Variants in GRIK4 observed in about 807,000 individuals in gnomAD.
GRIK4 encodes glutamate ionotropic receptor kainate type subunit 4.
GRIK4 carries 40 observed loss-of-function variants against 104.9 expected under a neutral mutation model. That is an observed-to-expected ratio of 0.38 (90% CI 0.30 to 0.50). GRIK4 has a LOEUF of 0.50. Among genes scored for constraint, GRIK4 ranks in the 20% least tolerant of loss-of-function variants. The probability of loss-of-function intolerance (pLI) is 0.93; values close to 1 mark genes in which losing one functional copy is unlikely to be tolerated. For synonymous variants in GRIK4, 485 were observed against 524.9 expected, an observed-to-expected ratio of 0.92 and a Z score of 1.04; for missense variants, 1,047 against 1,308.1, an observed-to-expected ratio of 0.80 and a Z score of 3.08.
Position 120,951,007 on chromosome 11 carries a change from G to T in GRIK4, c.1591-1848G>T, listed in dbSNP as rs190241602. Among the ~76,000 whole-genome samples the T allele has an allele frequency of 1.5e-3, 226 of 152,298 alleles. 1 individual carries two copies. The highest frequency in any genetic ancestry group is 2.5e-3 in the Non-Finnish European group (169 of 68,024). ...CAGTGGGTCAGAGAACTTGCAATTG[G>T]TATCAAAGGGCAGTTCCGTGGTCTG... is the stretch of plus-strand genomic sequence containing the variant. On this transcript the variant is annotated intron_variant, in intron 14 of 20. Transcript: ENST00000527524.
intron 12 of GRIK4, among the ~76,000 whole-genome samples, chr11:120,900,900 G>C (rs914559844): frequency 6.6e-6 from 1 of 152,182 alleles, no homozygotes; most frequent in Non-Finnish European, 1.5e-5. Context: ...GCTGGGAACA[G>C]CCTGGCTGAG....
At chr11:120,717,262 C>T (rs1950851270) in intron 3 of GRIK4, among the ~76,000 whole-genome samples, 1 of 152,220 alleles carries the variant, frequency 6.6e-6, no homozygotes, top group Admixed American at 6.5e-5. Context: ...CTGCACACAC[C>T]TGGGTGGTGG....
chr11:120,790,774 G>A (rs1187967633), intron 3 of GRIK4, among the ~76,000 whole-genome samples: 3 of 152,134 alleles, frequency 2.0e-5, no homozygotes, highest in African/African-American at 7.2e-5. Context: ...GGGAACAGAA[G>A]GGGGGCAGTG....
chr11:120,863,853 C>T (rs1954324225), intron 9 of GRIK4, among the ~76,000 whole-genome samples: 1 of 152,180 alleles, frequency 6.6e-6, no homozygotes, highest in Non-Finnish European at 1.5e-5. Context: ...GCCTCGTGGA[C>T]ATCTCAGGAA....
chr11:120,572,754 C>T (rs1016540884), intron 1 of GRIK4, among the ~76,000 whole-genome samples: 9 of 152,216 alleles, frequency 5.9e-5, no homozygotes, highest in African/African-American at 2.2e-4. Context: ...ACCCACTAAA[C>T]CCTCTCCCAG....
chr11:120,789,075 G>A (rs192487918), intron 3 of GRIK4, among the ~76,000 whole-genome samples: 1 of 152,084 alleles, frequency 6.6e-6, no homozygotes, highest in East Asian at 1.9e-4. Context: ...CAGAGTTTTA[G>A]CCTGGTTCTT....
At position 120,527,096 on chromosome 11, in the gene GRIK4, G is replaced by C. The variant is rs865849027; in HGVS notation, c.-159+15209G>C. ...AGTCACACAGCCAGCCCGTGGCAGA[G>C]GGTCTGACCAGAGCCAGCACCCAGT... is the stretch of plus-strand genomic sequence containing the variant. On this transcript the variant is annotated intron_variant, in intron 1 of 20. Transcript: ENST00000527524. Among the ~76,000 whole-genome samples, 3 of 152,372 alleles carry C rather than the reference G, an allele frequency of 2.0e-5. No individual in the cohort carries two copies. The Middle Eastern group carries it at 0.01, about 518-fold the overall frequency.
chr11:120,580,726 A>G (rs1264968007), intron 1 of GRIK4, among the ~76,000 whole-genome samples: 2 of 152,048 alleles, frequency 1.3e-5, no homozygotes, highest in Non-Finnish European at 2.9e-5. Context: ...GAGCAACTGC[A>G]CCCGGTTTTG....
Position 120,903,885 on chromosome 11 carries a change from A to G in GRIK4, c.1273-1405A>G, listed in dbSNP as rs762528718. 6.6e-6 allele frequency among the ~76,000 whole-genome samples: 1 copy of G among 152,128 alleles called. No individual in the cohort carries two copies. Among genetic ancestry groups the G allele is most frequent in the African/African-American group, 2.4e-5 (1 of 41,416 alleles). ...CTGCCTTCAAAAGGTCGGCAGTGAC[A>G]CATGATCAACACGCTGGTTCCCAGC... On this transcript the variant is annotated intron_variant, in intron 12 of 20. Coordinates refer to ENST00000527524, the MANE Select transcript of GRIK4 (RefSeq NM_014619.5). This position sits in a 1 kb window ranked among gnomAD's most constrained non-coding sequence, Gnocchi z 4.4.
intron 12 of GRIK4, among the ~76,000 whole-genome samples, chr11:120,900,721 C>G (rs1043949344): frequency 1.3e-5 from 2 of 151,968 alleles, no homozygotes; most frequent in African/African-American, 4.8e-5. Context: ...AAGTAGTTGC[C>G]GGGGGAGGGG....
At chr11:120,695,434 C>A (rs902417199) in intron 3 of GRIK4, among the ~76,000 whole-genome samples, 1 of 152,208 alleles carries the variant, frequency 6.6e-6, no homozygotes, top group South Asian at 2.1e-4. Flanking sequence ...TCATGCAGGC[C>A]CCTGTGAGAA....
At position 120,967,567 on chromosome 11, in the gene GRIK4, C is replaced by T. The variant is rs1336997654; in HGVS notation, c.2395+244C>T. Among the ~76,000 whole-genome samples the T allele has an allele frequency of 2.6e-5, 4 of 152,194 alleles. No homozygotes were observed. Among genetic ancestry groups the T allele is most frequent in the Non-Finnish European group, 5.9e-5 (4 of 68,030 alleles). On this transcript the variant is annotated intron_variant, in intron 19 of 20. Transcript: ENST00000527524. This position sits in a 1 kb window ranked among gnomAD's most constrained non-coding sequence, Gnocchi z 4.2. ...CTCTGCCTCCATGTTGTTTCTTGAA[C>T]CCAGCTGCCTCTGACCCCTAGCACC... is the stretch of plus-strand genomic sequence containing the variant.
chr11:120,588,439 G>A (rs772647487), intron 1 of GRIK4, among the ~76,000 whole-genome samples: 1 of 152,138 alleles, frequency 6.6e-6, no homozygotes, highest in Non-Finnish European at 1.5e-5. Context: ...GTCTCAATGG[G>A]ATGGGGAGAC....
At chr11:120,861,806 A>T (rs1954271975) in intron 8 of GRIK4, among the ~76,000 whole-genome samples, 153 bp from the exon 9 acceptor site, 1 of 152,052 alleles carries the variant, frequency 6.6e-6, no homozygotes, top group African/African-American at 2.4e-5. Flanking sequence ...TCCCAGAAAA[A>T]CTGCTCTCAT....
intron 20 of GRIK4, among the ~76,000 whole-genome samples, chr11:120,983,506 C>CT (rs1484616988): frequency 2.6e-5 from 4 of 152,230 alleles, no homozygotes; most frequent in Admixed American, 6.5e-5. Flanking sequence ...GATGGGGATA[C>CT]TTTCTTTCAG....
At chr11:120,981,585 T>TA in intron 19 of GRIK4, among the ~76,000 whole-genome samples, 1 of 152,338 alleles carries the variant, frequency 6.6e-6, no homozygotes, top group South Asian at 2.1e-4. Context: ...TTTGGTGGGA[T>TA]AAAAAGTTTT....
At chr11:120,770,799 A>G (rs2135456057) in intron 3 of GRIK4, among the ~76,000 whole-genome samples, 1 of 152,268 alleles carries the variant, frequency 6.6e-6, no homozygotes, top group East Asian at 1.9e-4. Context: ...CGTATCCTAT[A>G]AAGCAAGTCC....
In GRIK4 at chr11:120,819,667, C is replaced by A; in HGVS notation, c.346-88C>A. 7.8e-7 allele frequency: 1 copy of A among 1,276,428 alleles called. No homozygotes were observed. 79.1% of individuals were successfully genotyped at this position (1,276,428 alleles called of 1,614,324 possible). A position where few individuals can be genotyped will look rare whatever the true frequency, so the allele number is the denominator to read the frequency against. On this transcript the variant is annotated intron_variant, in intron 5 of 20. Coordinates refer to ENST00000527524, the MANE Select transcript of GRIK4 (RefSeq NM_014619.5). The surrounding 1 kb of genome is among the most constrained non-coding windows in gnomAD (Gnocchi z 4.3). ...GAAGGTGTTACATAAAAGAACTCAC[C>A]CTCCACAACCTCAGCTCACTCATCC... is the stretch of plus-strand genomic sequence containing the variant.
At chr11:120,634,088 A>G (rs550229562) in intron 1 of GRIK4, among the ~76,000 whole-genome samples, 2 of 152,140 alleles carry the variant, frequency 1.3e-5, no homozygotes, top group Admixed American at 6.5e-5. Context: ...TCATTTCTAA[A>G]ATGGGGCTCT....
Sources: allele counts gnomAD v4.1 joint callset (sites outside exome capture counted in the v4.1 genomes callset), GRCh38; gene constraint gnomAD v4.1.1; non-coding constraint Gnocchi (gnomAD v3.1); transcripts MANE v1.5; gene names NCBI Gene and HGNC (gene_info 2026-07-23, HGNC 2026-07-21).